The following MAGOHB variants were observed in gnomAD, a reference collection of about 807,000 sequenced individuals.
MAGOHB encodes the protein mago homolog B, exon junction complex subunit, also known as protein mago nashi homolog 2.
A neutral mutation model predicts 20.9 loss-of-function variants in MAGOHB; 15 were observed. The ratio of observed to expected loss-of-function variants is 0.72; its 90% confidence interval spans 0.48 to 1.11. The LOEUF (loss-of-function observed/expected upper bound fraction) is 1.11, where lower values mean the gene tolerates loss of function less well. MAGOHB is among the 50% of genes least tolerant of loss of function. The probability of loss-of-function intolerance (pLI) is 0.00; values close to 1 mark genes in which losing one functional copy is unlikely to be tolerated. For missense variants in MAGOHB, 162 were observed against 177.6 expected, an observed-to-expected ratio of 0.91 and a Z score of 0.50; for synonymous variants, 50 against 57.9, an observed-to-expected ratio of 0.86 and a Z score of 0.62.
chr12:10,606,048 A>G lies in MAGOHB; in HGVS notation c.*227T>C, dbSNP rs1251377772. The stretch of plus-strand genomic sequence containing the variant: ...TATGTTTTATTAGAGCAAATTTTTA[A>G]CAAAAGGTGGCTTTCATTTACAGAA... On this transcript the variant is annotated 3_prime_UTR_variant, in exon 5 of 5. Transcript: ENST00000320756. The G allele has an allele frequency of 3.4e-6, 1 of 292,410 alleles. No individual in the cohort carries two copies. The highest frequency in any genetic ancestry group is 5.2e-5 in the Admixed American group (1 of 19,228). The allele number at this position is 292,410 out of a possible 1,614,324, so 18.1% of individuals were successfully genotyped here. A position where few individuals can be genotyped will look rare whatever the true frequency, so the allele number is the denominator to read the frequency against.
Position 10,604,870 on chromosome 12 carries a change from C to A in MAGOHB, c.*1405G>T, listed in dbSNP as rs949039873. ...CTAGTGCTCCATGGCAAACAGGTTA[C>A]CAAGCCATGCTCTAGAGCTATACTG... On this transcript the variant is annotated 3_prime_UTR_variant, in exon 5 of 5. Coordinates refer to ENST00000320756, the MANE Select transcript of MAGOHB (RefSeq NM_018048.5). 7.9e-5 allele frequency: 12 copies of A among 152,128 alleles called. No homozygotes were observed. The highest frequency in any genetic ancestry group is 1.3e-4 in the Non-Finnish European group (9 of 68,024). 9.4% of individuals were successfully genotyped at this position (152,128 alleles called of 1,614,324 possible).
chr12:10,609,316 A>C (rs1591664018), intron 3 of MAGOHB: 1 of 404,662 alleles, frequency 2.5e-6, no homozygotes, highest in Non-Finnish European at 4.9e-6. Context: ...TCAGAAACCA[A>C]ACTTTCTTTT....
intron 4 of MAGOHB, 91 bp from the exon 5 acceptor site, chr12:10,606,465 CAATT>C (rs1565549970): frequency 1.4e-6 from 1 of 692,908 alleles, no homozygotes; most frequent in Non-Finnish European, 2.4e-6. Context: ...AATCTCATAA[CAATT>C]AAGTTAACAA....
At position 10,612,175 on chromosome 12, in the gene MAGOHB, C is replaced by T. The variant is rs554775183; in HGVS notation, c.94+1264G>A. Among the ~76,000 whole-genome samples the T allele has an allele frequency of 6.0e-5, 9 of 150,156 alleles. No individual in the cohort carries two copies. The South Asian group carries it at 1.9e-3, about 32-fold the overall frequency. On this transcript the variant is annotated intron_variant, in intron 1 of 4. Transcript: ENST00000320756. ...AGCCAGCCTGGGCAACATGGGGAAA[C>T]CCATCTCTACAAAAAATAACATAAC...
intron 1 of MAGOHB, 142 bp from the exon 2 acceptor site, chr12:10,610,822 AGACATG>A: frequency 1.9e-5 from 1 of 53,730 alleles, no homozygotes; most frequent in Non-Finnish European, 3.4e-5. Flanking sequence ...GATCATTGCT[AGACATG>A]TAGACAATAA....
chr12:10,611,740 T>C, intron 1 of MAGOHB, among the ~76,000 whole-genome samples: 1 of 85,616 alleles, frequency 1.2e-5, no homozygotes. Flanking sequence ...AGAGCAAGAC[T>C]CTGTCTCAAA....
chr12:10,613,462 A>G lies in MAGOHB; in HGVS notation c.71T>C (p.Leu24Pro). 2 of 1,614,110 alleles carry G rather than the reference A, an allele frequency of 1.2e-6. No homozygotes were observed. The highest frequency in any genetic ancestry group is 1.7e-6 in the Non-Finnish European group (2 of 1,179,982). The change falls in exon 1 of 5, where the codon CTG (leucine) becomes CCG (proline). Residue 24 changes from leucine (L) to proline (P), a missense_variant. Coordinates refer to ENST00000320756, the MANE Select transcript of MAGOHB (RefSeq NM_018048.5). ...GHKGKFGHEF[L>P]EFEFRPDGKL... ...ACCGTCCGGCCGAAATTCGAACTCCAGAAACTCGTGCCCAAACTTGCCCTT... is the reference window on the plus strand; with the variant it reads ...ACCGTCCGGCCGAAATTCGAACTCCGGAAACTCGTGCCCAAACTTGCCCTT...
chr12:10,613,138 G>A (rs1021898719), intron 1 of MAGOHB, among the ~76,000 whole-genome samples: 9 of 152,134 alleles, frequency 5.9e-5, no homozygotes, highest in African/African-American at 2.2e-4. Context: ...CCGCTGGTGG[G>A]GGTGTTTTCA....
intron 1 of MAGOHB, chr12:10,612,899 G>A (rs1865774008): frequency 1.9e-5 from 25 of 1,289,088 alleles, no homozygotes; most frequent in South Asian, 2.5e-5. Context: ...TCTCAAGAGT[G>A]CCGTCCTCTA....
intron 1 of MAGOHB, chr12:10,612,664 G>T (rs1267139942): frequency 1.7e-6 from 2 of 1,147,468 alleles, no homozygotes; most frequent in Non-Finnish European, 2.2e-6. Flanking sequence ...TTTGCTTGTT[G>T]TCCAGCACAA....
At chr12:10,606,416 T>G in intron 4 of MAGOHB, 42 bp from the exon 5 acceptor site, 2 of 1,098,380 alleles carry the variant, frequency 1.8e-6, no homozygotes, top group Non-Finnish European at 1.3e-6. Context: ...CTTCCTAGGA[T>G]AAAACAATTC....
Position 10,604,750 on chromosome 12 carries a change from G to A in MAGOHB, c.*1525C>T, listed in dbSNP as rs1865594397. 6.6e-6 allele frequency: 1 copy of A among 152,208 alleles called. No individual in the cohort carries two copies. Among genetic ancestry groups the A allele is most frequent in the African/African-American group, 2.4e-5 (1 of 41,452 alleles). 9.4% of individuals were successfully genotyped at this position (152,208 alleles called of 1,614,324 possible). A position where few individuals can be genotyped will look rare whatever the true frequency, so the allele number is the denominator to read the frequency against. ...TTTTACATACAAAAGACCTGAAGAT[G>A]ATAGCGTACTTGCATAATGAAGTGG... On this transcript the variant is annotated 3_prime_UTR_variant, in exon 5 of 5. Transcript: ENST00000320756.
At chr12:10,607,512 G>C (rs1447334266) in intron 4 of MAGOHB, among the ~76,000 whole-genome samples, 1 of 152,166 alleles carries the variant, frequency 6.6e-6, no homozygotes, top group Non-Finnish European at 1.5e-5. Context: ...AGGACAGTGA[G>C]ATGATATAGG....
intron 3 of MAGOHB, chr12:10,609,587 A>T: frequency 2.0e-6 from 1 of 506,852 alleles, no homozygotes; most frequent in Non-Finnish European, 3.5e-6. Flanking sequence ...AAAACATCCT[A>T]ACGTTGGCTG....
At chr12:10,601,230 A>C (rs186586189), downstream of MAGOHB, among the ~76,000 whole-genome samples, 33 of 152,306 alleles carry the variant, frequency 2.2e-4, no homozygotes, top group Non-Finnish European at 3.8e-4. Context: ...AGATACTGTC[A>C]CGTATTGGAG....
At position 10,606,363 on chromosome 12, in the gene MAGOHB, C is replaced by G. The variant is rs756686828; in HGVS notation, c.359G>C (p.Gly120Ala). 2.6e-6 allele frequency: 4 copies of G among 1,554,198 alleles called. No homozygotes were observed. The South Asian group carries it at 4.8e-5, about 19-fold the overall frequency. The change falls in exon 5 of 5, where the codon GGC (glycine) becomes GCC (alanine). Residue 120 changes from glycine to alanine, a missense_variant. Gly to Ala is a moderately conservative substitution (Grantham distance 60). Transcript: ENST00000320756. ...IDVNQSKDPE[G>A]LRVFYYLVQD... ...TACCAAATAGTAAAATACTCGAAGG[C>G]CTTCAGGATCCCTAAAATTTAAAAA...
intron 4 of MAGOHB, among the ~76,000 whole-genome samples, chr12:10,607,087 A>G (rs941214632): frequency 6.6e-6 from 1 of 152,220 alleles, no homozygotes; most frequent in African/African-American, 2.4e-5. Flanking sequence ...TGATAGTTTA[A>G]AAGCATTTGG....
intron 4 of MAGOHB, among the ~76,000 whole-genome samples, chr12:10,606,805 T>A (rs1208676358): frequency 6.6e-6 from 1 of 152,066 alleles, no homozygotes; most frequent in African/African-American, 2.4e-5. Context: ...TTAATTAATT[T>A]AATAATTCTC....
intron 3 of MAGOHB, chr12:10,609,144 C>G (rs2120521808): frequency 5.2e-6 from 1 of 191,628 alleles, no homozygotes; most frequent in East Asian, 1.2e-4. Context: ...ACTTAAGTTA[C>G]TCCTACAGAG....
Sources: allele counts gnomAD v4.1 joint callset (sites outside exome capture counted in the v4.1 genomes callset), GRCh38; gene constraint gnomAD v4.1.1; transcripts MANE v1.5; gene names NCBI Gene and HGNC (gene_info 2026-07-23, HGNC 2026-07-21).